OSBPL10: variants seen among roughly 807,000 people sequenced by gnomAD.
OSBPL10 encodes oxysterol-binding protein-related protein 10.
In OSBPL10, 49 loss-of-function variants were observed where a neutral mutation model predicts 81.7. The ratio of observed to expected loss-of-function variants is 0.60; its 90% CI spans 0.48 to 0.76. The LOEUF (loss-of-function observed/expected upper bound fraction) is 0.76, where lower values mean the gene tolerates loss of function less well. Among genes scored for constraint, OSBPL10 ranks in the 30% least tolerant of loss-of-function variants. OSBPL10 has a pLI of 0.00. For synonymous variants in OSBPL10, 419 were observed against 383.6 expected, an observed-to-expected ratio of 1.09 and a Z score of -1.08; for missense variants, 923 against 987.8, an observed-to-expected ratio of 0.93 and a Z score of 0.88.
chr3:32,073,636 C>T lies in OSBPL10; in HGVS notation n.185+3760G>A, dbSNP rs11533827. ...TCCATCCTTATGCTACTCTTTGCAA[C>T]GGGGCTTTATGCAGTCACCCCCACT... is the stretch of plus-strand genomic sequence containing the variant. On this transcript the variant is annotated intron_variant and non_coding_transcript_variant, in intron 1 of 3. Transcript: ENST00000479173. Among the ~76,000 whole-genome samples the T allele has an allele frequency of 5.7e-3, 869 of 152,272 alleles. 23 individuals carry two copies. In the East Asian group the frequency reaches 0.11, roughly 19 times the overall value.
At chr3:31,813,332 G>GAACA (rs367978908) in intron 4 of OSBPL10, among the ~76,000 whole-genome samples, 41 of 152,290 alleles carry the variant, frequency 2.7e-4, no homozygotes, top group African/African-American at 9.9e-4. Context: ...GTCCCACAGG[G>GAACA]AACAGCTCAT....
intron 1 of OSBPL10, among the ~76,000 whole-genome samples, chr3:32,051,786 C>T (rs996311860): frequency 9.2e-5 from 14 of 152,076 alleles, no homozygotes; most frequent in East Asian, 3.9e-4. Flanking sequence ...TGTCTGTCTG[C>T]GTATTTATAT....
At chr3:31,986,148 A>G (rs1434500513), upstream of OSBPL10, 1 of 152,126 alleles carries the variant, frequency 6.6e-6, no homozygotes, top group African/African-American at 2.4e-5. Context: ...TCTCATTACC[A>G]CTCTGAGAGA....
intron 4 of OSBPL10, among the ~76,000 whole-genome samples, chr3:31,748,331 T>C (rs1039674901): frequency 1.3e-5 from 2 of 152,176 alleles, no homozygotes; most frequent in Non-Finnish European, 1.5e-5. Context: ...AGAGAATTTG[T>C]CAACTTTCAA....
intron 1 of OSBPL10, among the ~76,000 whole-genome samples, chr3:32,047,971 C>T (rs1176487650): frequency 6.6e-6 from 1 of 151,978 alleles, no homozygotes; most frequent in African/African-American, 2.4e-5. Flanking sequence ...GGCCTACAAC[C>T]TGTTTTATCA....
Position 31,915,940 on chromosome 3 carries a change from T to TAA in OSBPL10, c.282-36112_282-36111dup, listed in dbSNP as rs375094120. Reference sequence around the variant, plus strand: ...GAAACCCCGTCTCTACTAAAAAATATAAAAAATTAGCCAGGTGTGGTGGTG... The same window carrying TAA: ...GAAACCCCGTCTCTACTAAAAAATATAAAAAAAATTAGCCAGGTGTGGTGGTG... On this transcript the variant is annotated intron_variant, in intron 1 of 11. Transcript: ENST00000396556. 1.5e-3 allele frequency among the ~76,000 whole-genome samples: 221 copies of TAA among 151,374 alleles called. 1 individual carries two copies. The highest frequency in any genetic ancestry group is 0.014 in the Middle Eastern group (4 of 294).
intron 4 of OSBPL10, among the ~76,000 whole-genome samples, chr3:31,773,344 C>T (rs79540002): frequency 0.018 from 2,747 of 152,228 alleles, 73 homozygotes; most frequent in African/African-American, 0.06. Flanking sequence ...GTCAGCACTA[C>T]GCCTGGGGGA....
chr3:31,741,085 GC>G (rs958058089), intron 5 of OSBPL10, among the ~76,000 whole-genome samples: 17 of 152,094 alleles, frequency 1.1e-4, no homozygotes, highest in African/African-American at 3.9e-4. Flanking sequence ...GACCTACAAG[GC>G]CCCTGCAAGG....
At chr3:31,927,982 A>G (rs1278289801) in intron 1 of OSBPL10, among the ~76,000 whole-genome samples, 1 of 152,190 alleles carries the variant, frequency 6.6e-6, no homozygotes, top group East Asian at 1.9e-4. Context: ...AAAAGGCCCG[A>G]AAAGGATAGG....
At chr3:31,725,167 T>C (rs1696767736) in intron 6 of OSBPL10, among the ~76,000 whole-genome samples, 1 of 152,232 alleles carries the variant, frequency 6.6e-6, no homozygotes, top group Non-Finnish European at 1.5e-5. Context: ...CTCCATTCAA[T>C]GCCCACTATA....
rs1157566307 is a variant in OSBPL10, at chr3:31,683,962, A to G, written c.1398T>C (p.Phe466=). Residue 466 remains phenylalanine (F), a synonymous_variant, in exon 8 of 12, where the codon TTT becomes TTC. Coordinates refer to ENST00000396556, the MANE Select transcript of OSBPL10 (RefSeq NM_017784.5). The part of the protein sequence containing the change: ...ICFVEYYLTA[F]HEGRKGALAK... ...CTAAAGCGCCCTTGCGGCCCTCGTGAAAGGCTGTGAGATAATACTCAACGA... is the reference window on the plus strand; with the variant it reads ...CTAAAGCGCCCTTGCGGCCCTCGTGGAAGGCTGTGAGATAATACTCAACGA... 1 of 1,614,238 alleles carries G rather than the reference A, an allele frequency of 6.2e-7. No homozygotes were observed.
intron 11 of OSBPL10, chr3:31,662,505 G>A (rs1036155176): frequency 7.8e-5 from 79 of 1,013,058 alleles, no homozygotes; most frequent in Middle Eastern, 4.9e-4. Flanking sequence ...AGCCCACAGG[G>A]GAACACCCAA....
chr3:31,734,337 T>C (rs995117090), intron 5 of OSBPL10, among the ~76,000 whole-genome samples: 31 of 152,212 alleles, frequency 2.0e-4, no homozygotes, highest in African/African-American at 7.5e-4. Flanking sequence ...TACTCTAATT[T>C]TTTTTAAGGG....
At chr3:32,027,844 T>A (rs978880444) in intron 2 of OSBPL10, among the ~76,000 whole-genome samples, 18 of 151,970 alleles carry the variant, frequency 1.2e-4, no homozygotes, top group Non-Finnish European at 2.9e-5. Context: ...GAAATGGAGG[T>A]CACCCTTCAG....
In OSBPL10 at chr3:31,898,951, C is replaced by CTT. The variant is rs201574850; in HGVS notation, c.282-19123_282-19122dup. 5.8e-3 allele frequency among the ~76,000 whole-genome samples: 511 copies of CTT among 87,376 alleles called. 19 individuals are homozygous for CTT. The highest frequency in any genetic ancestry group is 8.6e-3 in the Non-Finnish European group (410 of 47,540). The allele number at this position is 87,376 out of a possible 152,430, so 57.3% of individuals were successfully genotyped here. ...AAGTTTAAGACAGTTAACTTTAAAC[C>CTT]TTTTTTTTTTTTTTTTTTTTTTTTT... On this transcript the variant is annotated intron_variant, in intron 1 of 11. Coordinates refer to ENST00000396556, the MANE Select transcript of OSBPL10 (RefSeq NM_017784.5).
At chr3:31,915,408 A>G (rs1411323591) in intron 1 of OSBPL10, among the ~76,000 whole-genome samples, 1 of 152,180 alleles carries the variant, frequency 6.6e-6, no homozygotes, top group Non-Finnish European at 1.5e-5. Flanking sequence ...TGGTACACAT[A>G]TATCATGGAA....
intron 7 of OSBPL10, chr3:31,700,272 C>G (rs866028418): frequency 6.6e-6 from 1 of 152,174 alleles, no homozygotes. Context: ...CAATCATATT[C>G]TAATAAAACA....
At chr3:31,821,990 C>G (rs1469418977) in intron 4 of OSBPL10, 1 of 152,152 alleles carries the variant, frequency 6.6e-6, no homozygotes, top group Non-Finnish European at 1.5e-5. Context: ...GAGTTAATAT[C>G]CATTTATAAA....
At chr3:31,808,871 G>T (rs1278986646) in intron 4 of OSBPL10, among the ~76,000 whole-genome samples, 1 of 152,148 alleles carries the variant, frequency 6.6e-6, no homozygotes, top group African/African-American at 2.4e-5. Flanking sequence ...CCCAGAACTG[G>T]AATCTTGCCC....
Sources: gnomAD v4.1 joint callset for allele counts (sites outside exome capture counted in the v4.1 genomes callset) on GRCh38, gnomAD v4.1.1 for gene constraint, MANE v1.5 for transcripts, NCBI Gene and HGNC (gene_info 2026-07-23, HGNC 2026-07-21) for gene names.